The following MMP26 variants were observed in gnomAD, a reference collection of about 807,000 sequenced individuals.
MMP26 encodes matrix metalloproteinase-26.
A neutral mutation model predicts 31.0 loss-of-function variants in MMP26; 33 were observed. The observed-to-expected ratio is 1.06, with a 90% CI of 0.81 to 1.42. MMP26 has a LOEUF of 1.42. Among genes scored for constraint, MMP26 ranks in the 40% most tolerant of loss-of-function variants. The pLI is 0.00. For missense variants in MMP26, 347 were observed against 316.1 expected, an observed-to-expected ratio of 1.10 and a Z score of -0.74; for synonymous variants, 122 against 114.9, an observed-to-expected ratio of 1.06 and a Z score of -0.40.
At chr11:4,722,236 A>G (rs1243221314) in intron 1 of MMP26, among the ~76,000 whole-genome samples, 1 of 152,110 alleles carries the variant, frequency 6.6e-6, no homozygotes, top group Non-Finnish European at 1.5e-5. Flanking sequence ...TTCCTAAGCC[A>G]TGTCCATTAT....
intron 2 of MMP26, among the ~76,000 whole-genome samples, chr11:4,984,541 A>T (rs1319551956): frequency 6.6e-6 from 1 of 152,166 alleles, no homozygotes; most frequent in Non-Finnish European, 1.5e-5. Context: ...GAACACTTTT[A>T]TTAATTTAAT....
chr11:4,794,685 G>A (rs1477995592), intron 2 of MMP26, among the ~76,000 whole-genome samples: 2 of 152,152 alleles, frequency 1.3e-5, no homozygotes, highest in Non-Finnish European at 2.9e-5. Flanking sequence ...TTGCAAGCTA[G>A]TAAACTCTCA....
At chr11:4,982,669 A>T (rs901920008) in intron 2 of MMP26, among the ~76,000 whole-genome samples, 1 of 152,230 alleles carries the variant, frequency 6.6e-6, no homozygotes, top group African/African-American at 2.4e-5. Flanking sequence ...TACTTATCTG[A>T]ATAAACACCA....
chr11:4,907,019 G>A (rs1303308991), intron 2 of MMP26, among the ~76,000 whole-genome samples: 14 of 148,280 alleles, frequency 9.4e-5, no homozygotes, highest in Admixed American at 4.8e-4. Context: ...TCACTTGATC[G>A]CGGGAGGTGG....
intron 2 of MMP26, among the ~76,000 whole-genome samples, chr11:4,775,004 A>G (rs1168905057): frequency 6.6e-6 from 1 of 152,146 alleles, no homozygotes; most frequent in Non-Finnish European, 1.5e-5. Flanking sequence ...TTTTTGTACC[A>G]GTACCATGCT....
intron 2 of MMP26, among the ~76,000 whole-genome samples, chr11:4,826,127 G>A (rs1383986284): frequency 6.6e-6 from 1 of 152,086 alleles, no homozygotes; most frequent in African/African-American, 2.4e-5. Flanking sequence ...TATCAGTGAG[G>A]TTTTCCATAA....
chr11:4,849,072 G>T, intron 2 of MMP26: 1 of 1,614,088 alleles, frequency 6.2e-7, no homozygotes. Context: ...TCCCAGTGCA[G>T]AGAGAAGGTA....
chr11:4,946,448 G>C, intron 2 of MMP26: 3 of 1,484,654 alleles, frequency 2.0e-6, no homozygotes, highest in Non-Finnish European at 9.2e-7. Flanking sequence ...CAGGGTGTAA[G>C]ACACAGCAAT....
chr11:4,760,678 T>G (rs1848560001), intron 1 of MMP26, among the ~76,000 whole-genome samples: 1 of 152,210 alleles, frequency 6.6e-6, no homozygotes, highest in Non-Finnish European at 1.5e-5. Context: ...TTGATAGATT[T>G]CATGGAGCCA....
At chr11:4,741,725 T>C (rs1209157462) in intron 1 of MMP26, among the ~76,000 whole-genome samples, 1 of 152,050 alleles carries the variant, frequency 6.6e-6, no homozygotes, top group Non-Finnish European at 1.5e-5. Flanking sequence ...CGTATTCCTA[T>C]GTGACAAACC....
intron 2 of MMP26, chr11:4,882,410 C>G: frequency 6.2e-7 from 1 of 1,613,970 alleles, no homozygotes; most frequent in Non-Finnish European, 8.5e-7. Context: ...TGTGTCTTTT[C>G]ATGGGGGTCA....
At chr11:4,830,901 T>C (rs1425406817) in intron 2 of MMP26, among the ~76,000 whole-genome samples, 2 of 152,156 alleles carry the variant, frequency 1.3e-5, no homozygotes, top group East Asian at 3.9e-4. Flanking sequence ...GCTGTGACCA[T>C]TCTGAGCAGG....
At chr11:4,770,901 C>T (rs1160551167) in intron 2 of MMP26, among the ~76,000 whole-genome samples, 1 of 151,528 alleles carries the variant, frequency 6.6e-6, no homozygotes, top group South Asian at 2.1e-4. Flanking sequence ...GCAGCTGTGT[C>T]GAATTGCTTG....
chr11:4,934,859 C>A (rs1851410294), intron 2 of MMP26, among the ~76,000 whole-genome samples: 1 of 151,088 alleles, frequency 6.6e-6, no homozygotes. Flanking sequence ...TTGTTTTTCT[C>A]AGGTTTGTCA....
At chr11:4,712,029 A>C (rs1201709839) in intron 1 of MMP26, 1 of 152,112 alleles carries the variant, frequency 6.6e-6, no homozygotes, top group East Asian at 1.9e-4. Context: ...CTGATCTGAA[A>C]CTTTTTGAAA....
chr11:4,872,060 T>A (rs1480964915), intron 2 of MMP26, among the ~76,000 whole-genome samples: 1 of 152,110 alleles, frequency 6.6e-6, no homozygotes, highest in Non-Finnish European at 1.5e-5. Context: ...ACCCTTGTTT[T>A]TCTAGTGCAT....
intron 2 of MMP26, among the ~76,000 whole-genome samples, chr11:4,872,628 G>T (rs1300959841): frequency 6.6e-6 from 1 of 151,958 alleles, no homozygotes; most frequent in Non-Finnish European, 1.5e-5. Context: ...TTACTCAGCA[G>T]CTCAGATCCT....
chr11:4,845,589 C>T (rs1849855832), intron 2 of MMP26, among the ~76,000 whole-genome samples: 1 of 151,974 alleles, frequency 6.6e-6, no homozygotes, highest in Non-Finnish European at 1.5e-5. Flanking sequence ...CAAAAATGGA[C>T]AAATAGGATC....
rs115742431 is a variant in MMP26, at chr11:4,980,235, C to T, written c.-144-7833C>T. Reference sequence around the variant, plus strand: ...CTTGAAAATATGAGTAGTCCTCTTCCGGCCATTTGGTTTCTGAGTATAAAG... The same window carrying T: ...CTTGAAAATATGAGTAGTCCTCTTCTGGCCATTTGGTTTCTGAGTATAAAG... On this transcript the variant is annotated intron_variant, in intron 2 of 7. Transcript: ENST00000380390. Among the ~76,000 whole-genome samples, 332 of 152,020 alleles carry T rather than the reference C, an allele frequency of 2.2e-3. 1 individual carries two copies. The highest frequency in any genetic ancestry group is 7.4e-3 in the African/African-American group (306 of 41,478).
Sources: gnomAD v4.1 joint callset for allele counts (sites outside exome capture counted in the v4.1 genomes callset) on GRCh38, gnomAD v4.1.1 for gene constraint, MANE v1.5 for transcripts, NCBI Gene and HGNC (gene_info 2026-07-23, HGNC 2026-07-21) for gene names.